The following PTPRO variants were observed in gnomAD, a reference collection of about 807,000 sequenced individuals.
The protein encoded by PTPRO is receptor-type tyrosine-protein phosphatase O.
In PTPRO, 62 loss-of-function variants were observed where a neutral mutation model predicts 145.2. That is an observed-to-expected ratio of 0.43 (90% CI 0.35 to 0.53). The LOEUF (loss-of-function observed/expected upper bound fraction) is 0.53, where lower values mean the gene tolerates loss of function less well. Among genes scored for constraint, PTPRO ranks in the 20% least tolerant of loss-of-function variants. The pLI, the probability that PTPRO is intolerant of heterozygous loss-of-function variation, is 0.01. For synonymous variants in PTPRO, 565 were observed against 514.7 expected (o/e 1.10, Z -1.32); for missense variants, 1,345 against 1,482.7 (o/e 0.91, Z 1.53).
At chr12:15,342,040 G>C (rs1867010278) in intron 1 of PTPRO, among the ~76,000 whole-genome samples, 1 of 152,218 alleles carries the variant, frequency 6.6e-6, no homozygotes, top group South Asian at 2.1e-4. Flanking sequence ...CTCTGGGAGA[G>C]AGATGTTTTC....
intron 1 of PTPRO, among the ~76,000 whole-genome samples, chr12:15,377,405 C>T (rs1200274834): frequency 6.6e-6 from 1 of 151,960 alleles, no homozygotes; most frequent in Non-Finnish European, 1.5e-5. Context: ...TTCAACTCTA[C>T]ACTGTCTACA....
chr12:15,426,899 ATAT>A (rs1399638750), intron 1 of PTPRO, among the ~76,000 whole-genome samples: 1 of 152,036 alleles, frequency 6.6e-6, no homozygotes, highest in Non-Finnish European at 1.5e-5. Context: ...GACTGTTAAT[ATAT>A]TATTATCATT....
At chr12:15,511,853 C>G (rs1401029331) in intron 7 of PTPRO, among the ~76,000 whole-genome samples, 1 of 151,624 alleles carries the variant, frequency 6.6e-6, no homozygotes, top group South Asian at 2.1e-4. Context: ...CGTGAGCCAC[C>G]GTGCCCGGCT....
chr12:15,356,665 A>G (rs891850026), intron 1 of PTPRO, among the ~76,000 whole-genome samples: 1 of 152,176 alleles, frequency 6.6e-6, no homozygotes, highest in African/African-American at 2.4e-5. Context: ...TCCATCAAAC[A>G]TATTTTATAT....
intron 1 of PTPRO, among the ~76,000 whole-genome samples, chr12:15,384,212 G>A (rs1421596309): frequency 6.6e-6 from 1 of 152,144 alleles, no homozygotes; most frequent in Non-Finnish European, 1.5e-5. Flanking sequence ...TTGGGGGCCA[G>A]GGAGCTAGAA....
At position 15,497,031 on chromosome 12, in the gene PTPRO, T is replaced by G. The variant is rs1942121141; in HGVS notation, c.350-214T>G. ...GCAAAAGGAAAAATAAATGTAAAAG[T>G]TCTTCAAAAAGCAGAAAGCACCATA... is the stretch of plus-strand genomic sequence containing the variant. On this transcript the variant is annotated intron_variant, in intron 2 of 26. Coordinates refer to ENST00000281171, the MANE Select transcript of PTPRO (RefSeq NM_030667.3). Among the ~76,000 whole-genome samples the G allele has an allele frequency of 3.9e-5, 6 of 152,168 alleles. No homozygotes were observed. In the South Asian group the frequency reaches 1.2e-3, roughly 32 times the overall value.
At chr12:15,433,238 C>T (rs553050018) in intron 1 of PTPRO, among the ~76,000 whole-genome samples, 5 of 147,496 alleles carry the variant, frequency 3.4e-5, no homozygotes, top group South Asian at 4.3e-4. Context: ...GCAGTGGTGC[C>T]GATCTCAGCT....
intron 1 of PTPRO, among the ~76,000 whole-genome samples, chr12:15,335,828 T>G (rs948572020): frequency 6.6e-6 from 1 of 152,184 alleles, no homozygotes; most frequent in Non-Finnish European, 1.5e-5. Flanking sequence ...TCCATCTCTA[T>G]GCTATTACCT....
chr12:15,376,304 C>T (rs2136267991), intron 1 of PTPRO, among the ~76,000 whole-genome samples: 1 of 152,142 alleles, frequency 6.6e-6, no homozygotes, highest in Non-Finnish European at 1.5e-5. Flanking sequence ...AACTAACATT[C>T]AATATGTTGA....
At chr12:15,403,478 G>A (rs1427511754) in intron 1 of PTPRO, among the ~76,000 whole-genome samples, 1 of 152,166 alleles carries the variant, frequency 6.6e-6, no homozygotes, top group African/African-American at 2.4e-5. Flanking sequence ...AGATACTCTG[G>A]AGGCTGAGTC....
In PTPRO at chr12:15,551,587, T is replaced by C. The variant is rs2135561482; in HGVS notation, c.2474T>C (p.Val825Ala). 3 of 1,613,784 alleles carry C rather than the reference T, an allele frequency of 1.9e-6. No homozygotes were observed. The highest frequency in any genetic ancestry group is 1.1e-5 in the South Asian group (1 of 91,072). Residue 825 changes from valine (V) to alanine (A), a missense_variant, in exon 15 of 27, where the codon GTG (valine) becomes GCG (alanine). This residue lies in a region of PTPRO where 1,130 missense variants were observed against 1,214.7 expected (regional missense o/e 0.93). Transcript: ENST00000281171. ...AATCCCAATGTGGTAGTGATCTCCG[T>C]GCTGGCCATCCTTAGCACACTTTTA... ...EMNPNVVVIS[V>A]LAILSTLLIG...
intron 1 of PTPRO, among the ~76,000 whole-genome samples, chr12:15,373,118 C>T (rs893514433): frequency 5.9e-5 from 9 of 152,076 alleles, no homozygotes; most frequent in African/African-American, 2.2e-4. Flanking sequence ...ATTACAGTAC[C>T]GATGAGATGC....
At position 15,430,994 on chromosome 12, in the gene PTPRO, C is replaced by G. The variant is rs939629987; in HGVS notation, c.76-52980C>G. On this transcript the variant is annotated intron_variant, in intron 1 of 26. Transcript: ENST00000281171. ...GGAAATAGTAATTATTGCTTAAAAA[C>G]TGTATTCAATATTTTGATATTGACC... Among the ~76,000 whole-genome samples, 89 of 152,216 alleles carry G rather than the reference C, an allele frequency of 5.8e-4. 1 individual carries two copies. Among genetic ancestry groups the G allele is most frequent in the African/African-American group, 2.1e-3 (86 of 41,514 alleles).
intron 1 of PTPRO, among the ~76,000 whole-genome samples, chr12:15,437,329 G>A (rs150982979): frequency 7.7e-4 from 117 of 151,918 alleles, no homozygotes; most frequent in African/African-American, 2.7e-3. Flanking sequence ...CATGTGCAGA[G>A]ATCTTTGTGC....
At chr12:15,427,383 A>G (rs1255378313) in intron 1 of PTPRO, among the ~76,000 whole-genome samples, 1 of 152,038 alleles carries the variant, frequency 6.6e-6, no homozygotes, top group African/African-American at 2.4e-5. Context: ...GCAAATTCCA[A>G]TAAAATTTCT....
At chr12:15,472,237 A>G (rs944279450) in intron 1 of PTPRO, among the ~76,000 whole-genome samples, 1 of 152,148 alleles carries the variant, frequency 6.6e-6, no homozygotes, top group Non-Finnish European at 1.5e-5. Context: ...CTGACTCAGC[A>G]TCTTACCTGC....
chr12:15,371,143 A>G (rs1172242752), intron 1 of PTPRO, among the ~76,000 whole-genome samples: 1 of 152,208 alleles, frequency 6.6e-6, no homozygotes, highest in Non-Finnish European at 1.5e-5. Context: ...TGTATTTACA[A>G]TTAGAAAAGA....
In PTPRO at chr12:15,432,986, T is replaced by TTTGTTG. The variant is rs145848522; in HGVS notation, c.76-50973_76-50968dup. 9.9e-5 allele frequency among the ~76,000 whole-genome samples: 15 copies of TTTGTTG among 152,118 alleles called. No individual in the cohort carries two copies. In the East Asian group the frequency reaches 2.9e-3, roughly 29 times the overall value. ...TGTTGATAGTTTTCATTTGTTTGTT[T>TTTGTTG]TTGTTGTTGTTGTTGTTGTTATTGT... On this transcript the variant is annotated intron_variant, in intron 1 of 26. Transcript: ENST00000281171.
chr12:15,405,310 T>C (rs191798179), intron 1 of PTPRO, among the ~76,000 whole-genome samples: 3 of 152,332 alleles, frequency 2.0e-5, no homozygotes, highest in Admixed American at 2.0e-4. Flanking sequence ...AAAGCCTATC[T>C]TGATGGTTTC....
Sources: allele counts gnomAD v4.1 joint callset (sites outside exome capture counted in the v4.1 genomes callset), GRCh38; gene constraint gnomAD v4.1.1; regional missense constraint gnomAD v4.1.1; transcripts MANE v1.5; gene names NCBI Gene and HGNC (gene_info 2026-07-23, HGNC 2026-07-21).